Variants in PRPF18 observed in about 807,000 individuals in gnomAD.
PRPF18 encodes pre-mRNA-splicing factor 18.
Under a neutral mutation model 46.5 loss-of-function variants are expected in PRPF18, and 38 were observed. That is an observed-to-expected ratio of 0.82 (90% CI 0.63 to 1.07). The LOEUF (loss-of-function observed/expected upper bound fraction) is 1.07. PRPF18 is among the 50% of genes least tolerant of loss of function. PRPF18 has a pLI of 0.00. For synonymous variants in PRPF18, 152 were observed against 146.7 expected, an observed-to-expected ratio of 1.04 and a Z score of -0.26; for missense variants, 263 against 410.0, an observed-to-expected ratio of 0.64 and a Z score of 3.10.
intron 1 of PRPF18, among the ~76,000 whole-genome samples, chr10:13,595,324 GA>G (rs1188864300): frequency 6.6e-6 from 1 of 152,222 alleles, no homozygotes; most frequent in Admixed American, 6.5e-5. Flanking sequence ...ATGGAATTGA[GA>G]CATGGTCATC....
the PRPF18 span, among the ~76,000 whole-genome samples, chr10:13,648,393 G>C: frequency 1.3e-5 from 2 of 152,144 alleles, no homozygotes; most frequent in African/African-American, 4.8e-5. Flanking sequence ...AGGTGGTTGG[G>C]CCTTGCAGGG....
In PRPF18 at chr10:13,630,416, A is replaced by AT; in HGVS notation, c.*76_*77insT. ...GTGGACTTCTGGAATTACCAACAGG[A>AT]ATGAGGAAAGAAGAAAACTGGAGTT... is the stretch of plus-strand genomic sequence containing the variant. On this transcript the variant is annotated 3_prime_UTR_variant, in exon 10 of 10. Transcript: ENST00000378572. The AT allele has an allele frequency of 8.2e-7, 1 of 1,216,730 alleles. No individual in the cohort carries two copies. The highest frequency in any genetic ancestry group is 1.2e-6 in the Non-Finnish European group (1 of 851,724). The allele number at this position is 1,216,730 out of a possible 1,614,324, so 75.4% of individuals were successfully genotyped here.
the PRPF18 span, among the ~76,000 whole-genome samples, chr10:13,649,064 A>T: frequency 6.6e-6 from 1 of 152,220 alleles, no homozygotes. Flanking sequence ...AGTATCACCT[A>T]TTAACATCCA....
chr10:13,651,880 G>T, the PRPF18 span: 1 of 1,262,682 alleles, frequency 7.9e-7, no homozygotes, highest in Non-Finnish European at 1.2e-6. Context: ...TGGGCAGTAG[G>T]AACAAAACTC....
chr10:13,602,692 A>G (rs2080130287), intron 3 of PRPF18, among the ~76,000 whole-genome samples: 1 of 152,118 alleles, frequency 6.6e-6, no homozygotes, highest in Non-Finnish European at 1.5e-5. Context: ...TCATAGTCAA[A>G]ATACTTGAAA....
chr10:13,627,021 C>T (rs573787743), intron 9 of PRPF18, among the ~76,000 whole-genome samples: 22 of 152,206 alleles, frequency 1.4e-4, no homozygotes, highest in Non-Finnish European at 2.1e-4. Context: ...CTCTCTGGTC[C>T]CTGAGTTTCT....
the PRPF18 span, chr10:13,648,294 A>T: frequency 6.6e-6 from 1 of 152,124 alleles, no homozygotes; most frequent in Non-Finnish European, 1.5e-5. Flanking sequence ...TGGTATGTGG[A>T]TGATTCTGGG....
intron 2 of PRPF18, among the ~76,000 whole-genome samples, chr10:13,599,636 G>A (rs1488747570): frequency 6.6e-6 from 1 of 152,228 alleles, no homozygotes; most frequent in Non-Finnish European, 1.5e-5. Flanking sequence ...GGTGGCGTTA[G>A]TAGACAGGTG....
the PRPF18 span, chr10:13,639,046 C>G: frequency 6.6e-6 from 1 of 152,166 alleles, no homozygotes; most frequent in Non-Finnish European, 1.5e-5. Flanking sequence ...GTGCTGAGGT[C>G]TTTGTTCATT....
chr10:13,650,972 G>A, the PRPF18 span: 2 of 152,192 alleles, frequency 1.3e-5, no homozygotes, highest in Admixed American at 1.3e-4. Context: ...TAATACATAA[G>A]TGTAGCAGTT....
At chr10:13,611,718 G>A (rs756374236) in intron 6 of PRPF18, 35 bp downstream of exon 6, 1 of 1,571,062 alleles carries the variant, frequency 6.4e-7, no homozygotes, top group Admixed American at 1.7e-5. Flanking sequence ...AGGATGCCTT[G>A]GATCCTTATG....
At position 13,618,418 on chromosome 10, in the gene PRPF18, A is replaced by G. The variant is rs112007802; in HGVS notation, c.948+1865A>G. Among the ~76,000 whole-genome samples the G allele has an allele frequency of 3.4e-3, 515 of 152,072 alleles. 2 individuals carry two copies. Among genetic ancestry groups the G allele is most frequent in the African/African-American group, 0.011 (438 of 41,488 alleles). ...TGTGGCGGGAAGATTGCCTGAGGCC[A>G]GGAGTTTAAGACTAGCCTGGGCAAC... On this transcript the variant is annotated intron_variant, in intron 9 of 9. Transcript: ENST00000378572.
chr10:13,621,787 A>G (rs1213425676), intron 9 of PRPF18, among the ~76,000 whole-genome samples: 1 of 152,142 alleles, frequency 6.6e-6, no homozygotes, highest in Non-Finnish European at 1.5e-5. Flanking sequence ...ATATCCTATA[A>G]TATTATTCTC....
At chr10:13,591,884 C>A in intron 1 of PRPF18, 1 of 1,423,112 alleles carries the variant, frequency 7.0e-7, no homozygotes, top group South Asian at 1.1e-5. Context: ...AGAACGTTCC[C>A]CGGGGTAATG....
the PRPF18 span, chr10:13,651,717 G>A: frequency 9.9e-6 from 6 of 605,394 alleles, no homozygotes; most frequent in Middle Eastern, 2.6e-4. Flanking sequence ...AGCAGTGTTA[G>A]GAATATCATA....
At chr10:13,601,157 C>T (rs1438270631) in intron 3 of PRPF18, among the ~76,000 whole-genome samples, 2 of 152,128 alleles carry the variant, frequency 1.3e-5, no homozygotes, top group Non-Finnish European at 1.5e-5. Flanking sequence ...GATGAACATC[C>T]TTATGTAGAC....
At chr10:13,643,307 C>T in the PRPF18 span, 1 of 152,186 alleles carries the variant, frequency 6.6e-6, no homozygotes, top group Non-Finnish European at 1.5e-5. Context: ...TTCATTGCTC[C>T]TGCCGTGGAC....
chr10:13,588,607 C>A (rs1416103325), intron 1 of PRPF18, among the ~76,000 whole-genome samples: 1 of 151,650 alleles, frequency 6.6e-6, no homozygotes, highest in African/African-American at 2.4e-5. Context: ...AATAAAATTC[C>A]TTTCTAATAG....
intron 2 of PRPF18, among the ~76,000 whole-genome samples, chr10:13,598,392 A>T (rs147685001): frequency 6.6e-6 from 1 of 152,326 alleles, no homozygotes; most frequent in African/African-American, 2.4e-5. Flanking sequence ...ATATAAGATA[A>T]TACTTTTGTG....
Sources: gnomAD v4.1 joint callset for allele counts (sites outside exome capture counted in the v4.1 genomes callset) on GRCh38, gnomAD v4.1.1 for gene constraint, MANE v1.5 for transcripts, NCBI Gene and HGNC (gene_info 2026-07-23, HGNC 2026-07-21) for gene names.